The following FAT2 variants were observed in gnomAD, a reference collection of about 807,000 sequenced individuals.
FAT2 encodes the protein FAT atypical cadherin 2, also known as protocadherin Fat 2.
In FAT2, 150 loss-of-function variants were observed where a neutral mutation model predicts 295.3. The ratio of observed to expected loss-of-function variants is 0.51; its 90% CI spans 0.44 to 0.58. The LOEUF (loss-of-function observed/expected upper bound fraction) is 0.58, where lower values mean the gene tolerates loss of function less well. FAT2 is among the 20% of genes least tolerant of loss of function. The pLI is 0.00. For missense variants in FAT2, 4,868 were observed against 5,442.7 expected (o/e 0.89, Z 3.32); for synonymous variants, 2,026 against 2,150.3 (o/e 0.94, Z 1.60).
chr5:151,560,181 C>T (rs559982661), intron 3 of FAT2, among the ~76,000 whole-genome samples: 75 of 152,282 alleles, frequency 4.9e-4, no homozygotes, highest in Non-Finnish European at 8.5e-4. Context: ...CTCTTCTTCC[C>T]TCCTGCAGCA....
In FAT2 at chr5:151,543,569, T is replaced by C. The variant is rs371832909; in HGVS notation, c.7558A>G (p.Ile2520Val). 202 of 1,614,064 alleles carry C rather than the reference T, an allele frequency of 1.3e-4. No individual in the cohort carries two copies. Among genetic ancestry groups the C allele is most frequent in the Non-Finnish European group, 1.6e-4 (189 of 1,180,032 alleles). Residue 2520 changes from isoleucine (I) to valine (V), a missense_variant, in exon 10 of 24, where the codon ATC (isoleucine) becomes GTC (valine). Ile to Val is a conservative substitution (Grantham distance 29). Around this residue, in one of 5 missense-constraint regions of FAT2, gnomAD observed 3,297 missense variants for 3,669.4 expected, o/e 0.90. Transcript: ENST00000261800. The part of the protein sequence containing the change: ...SGPYGTIDYT[I>V]INKLASEKFS... ...TTCTCACTTGCTAGTTTATTGATGA[T>C]AGTATAATCTATAGTGCCATAGGGA...
intron 3 of FAT2, among the ~76,000 whole-genome samples, chr5:151,559,245 G>A (rs1047900809): frequency 2.0e-5 from 3 of 152,192 alleles, no homozygotes; most frequent in East Asian, 1.9e-4. Flanking sequence ...AAGTCATTCC[G>A]GCTTTTTCTT....
chr5:151,553,802 A>G (rs1016701531), intron 5 of FAT2, among the ~76,000 whole-genome samples: 2 of 152,182 alleles, frequency 1.3e-5, no homozygotes, highest in African/African-American at 4.8e-5. Flanking sequence ...ATCTGATTTA[A>G]TCCTCACAAT....
chr5:151,559,227 T>C (rs1265887081), intron 3 of FAT2, among the ~76,000 whole-genome samples: 1 of 152,196 alleles, frequency 6.6e-6, no homozygotes, highest in Non-Finnish European at 1.5e-5. Context: ...CCTTGTGCAG[T>C]TGAACGCAAG....
At chr5:151,582,897 A>T (rs1209206279) in intron 1 of FAT2, among the ~76,000 whole-genome samples, 2 of 152,150 alleles carry the variant, frequency 1.3e-5, no homozygotes, top group Non-Finnish European at 2.9e-5. Context: ...TGGACACAAC[A>T]TTACTGCTAA....
chr5:151,558,240 A>G (rs1757866616), intron 3 of FAT2, among the ~76,000 whole-genome samples: 1 of 152,236 alleles, frequency 6.6e-6, no homozygotes, highest in South Asian at 2.1e-4. Context: ...TACATTTTAC[A>G]TAAAAAGGAA....
chr5:151,579,952 G>C (rs910717736), intron 1 of FAT2, among the ~76,000 whole-genome samples: 2 of 152,140 alleles, frequency 1.3e-5, no homozygotes, highest in African/African-American at 4.8e-5. Flanking sequence ...GAGCCCCAGA[G>C]CCCCATTCCC....
intron 1 of FAT2, among the ~76,000 whole-genome samples, chr5:151,569,533 C>G (rs1328627662): frequency 1.3e-5 from 2 of 152,162 alleles, no homozygotes; most frequent in African/African-American, 4.8e-5. Context: ...CAAACCATAT[C>G]AGCCCTGCAA....
At chr5:151,556,066 C>T (rs1267083022) in intron 4 of FAT2, among the ~76,000 whole-genome samples, 1 of 152,176 alleles carries the variant, frequency 6.6e-6, no homozygotes, top group Non-Finnish European at 1.5e-5. Flanking sequence ...TCGGTAAGTA[C>T]ATAGCACACA....
At chr5:151,575,758 G>A (rs1306668963) in intron 1 of FAT2, among the ~76,000 whole-genome samples, 1 of 152,176 alleles carries the variant, frequency 6.6e-6, no homozygotes, top group African/African-American at 2.4e-5. Context: ...CCAGAGGCCT[G>A]GAGTAGCTGG....
chr5:151,517,016 G>A (rs1296993071), intron 20 of FAT2, among the ~76,000 whole-genome samples: 1 of 151,746 alleles, frequency 6.6e-6, no homozygotes, highest in South Asian at 2.1e-4. Flanking sequence ...GCTGAGGCAG[G>A]AGAATCGCTT....
chr5:151,553,495 C>T, intron 5 of FAT2, 108 bp from the exon 6 acceptor site: 1 of 923,266 alleles, frequency 1.1e-6, no homozygotes, highest in East Asian at 2.6e-5. Context: ...AAGCAGGCCT[C>T]TCATCCAGTC....
chr5:151,592,770 TGA>T (rs1759462981), upstream of FAT2, among the ~76,000 whole-genome samples: 1 of 108,752 alleles, frequency 9.2e-6, no homozygotes, highest in Non-Finnish European at 2.3e-5. Flanking sequence ...GTGACAAAAC[TGA>T]GGCCTGGTTC....
At position 151,568,955 on chromosome 5, in the gene FAT2, G is replaced by C. The variant is rs773757204; in HGVS notation, c.-20-4C>G. On this transcript the variant is annotated splice_region_variant and splice_polypyrimidine_tract_variant and intron_variant, in intron 1 of 23. Transcript: ENST00000261800. Reference sequence around the variant, plus strand: ...ATGGTGGAAAACTCCCGAAACCCTGGGCAGAAAATAAAAGACAGGGTGCAA... The same window carrying C: ...ATGGTGGAAAACTCCCGAAACCCTGCGCAGAAAATAAAAGACAGGGTGCAA... 1.3e-6 allele frequency: 2 copies of C among 1,567,304 alleles called. No homozygotes were observed. Among genetic ancestry groups the C allele is most frequent in the East Asian group, 4.5e-5 (2 of 44,468 alleles).
At position 151,517,737 on chromosome 5, in the gene FAT2, G is replaced by C; in HGVS notation, c.11346C>G (p.Ser3782Arg). The change falls in exon 20 of 24, where the codon AGC (serine) becomes AGG (arginine). Residue 3782 changes from serine to arginine, a missense_variant. Transcript: ENST00000261800. ...NGTATRFSGQ[S>R]YVRYRAPAAR... ...CCGCTGGGGCCCTGTACCGCACATAGCTCTGACCACTGAACCTTGTAGCAG... is the reference window on the plus strand; with the variant it reads ...CCGCTGGGGCCCTGTACCGCACATACCTCTGACCACTGAACCTTGTAGCAG... 6.2e-7 allele frequency: 1 copy of C among 1,614,210 alleles called. No homozygotes were observed.
At chr5:151,515,348 C>G (rs1475340854) in intron 20 of FAT2, among the ~76,000 whole-genome samples, 2 of 152,232 alleles carry the variant, frequency 1.3e-5, no homozygotes, top group Non-Finnish European at 2.9e-5. Context: ...CCTACTCTCT[C>G]TTCAATCTAC....
intron 19 of FAT2, among the ~76,000 whole-genome samples, chr5:151,518,374 A>AATAATTATTATTATTATT (rs1554124018): frequency 2.6e-4 from 39 of 147,412 alleles, no homozygotes; most frequent in African/African-American, 6.9e-4. Context: ...TAATAATAAT[A>AATAATTATTATTATTATT]ATTTTTAAAA....
intron 2 of FAT2, among the ~76,000 whole-genome samples, chr5:151,565,336 A>G (rs1044909443): frequency 5.3e-5 from 8 of 152,066 alleles, no homozygotes; most frequent in African/African-American, 1.9e-4. Context: ...TTATAGACCA[A>G]ATTGTTAATA....
At chr5:151,585,249 G>T (rs556016106) in intron 1 of FAT2, among the ~76,000 whole-genome samples, 118 of 152,316 alleles carry the variant, frequency 7.7e-4, no homozygotes, top group African/African-American at 2.6e-3. Context: ...GGCACCAGGG[G>T]GATCTCAGGG....
Sources: gnomAD v4.1 joint callset for allele counts (sites outside exome capture counted in the v4.1 genomes callset) on GRCh38, gnomAD v4.1.1 for gene constraint, gnomAD v4.1.1 regional missense constraint, MANE v1.5 for transcripts, NCBI Gene and HGNC (gene_info 2026-07-23, HGNC 2026-07-21) for gene names.